The following CSMD1 variants were observed in gnomAD, a reference collection of about 807,000 sequenced individuals.
The protein encoded by CSMD1 is CUB and Sushi multiple domains 1.
Under a neutral mutation model 417.5 loss-of-function variants are expected in CSMD1, and 213 were observed. The ratio of observed to expected loss-of-function variants is 0.51; its 90% CI spans 0.46 to 0.57. The LOEUF (loss-of-function observed/expected upper bound fraction) is 0.57. Ranked by LOEUF, CSMD1 falls within the 20% of genes least tolerant of loss-of-function variation. The pLI, the probability that CSMD1 is intolerant of heterozygous loss-of-function variation, is 0.00. For synonymous variants in CSMD1, 2,862 were observed against 1,736.8 expected, an observed-to-expected ratio of 1.65 and a Z score of -16.11; for missense variants, 6,923 against 4,529.7, an observed-to-expected ratio of 1.53 and a Z score of -15.17.
At chr8:4,865,290 C>T (rs553204391) in intron 1 of CSMD1, among the ~76,000 whole-genome samples, 2 of 151,770 alleles carry the variant, frequency 1.3e-5, no homozygotes, top group Non-Finnish European at 2.9e-5. Flanking sequence ...CTACATACTG[C>T]TTCTGTTTTG....
rs554596070 is a variant in CSMD1 at position 4,876,780 on chromosome 8, T to C, written c.85+117552A>G. On this transcript the variant is annotated intron_variant, in intron 1 of 69. Coordinates refer to ENST00000635120, the MANE Select transcript of CSMD1 (RefSeq NM_033225.6). ...ACATCTGGAGTCATTTCTCAGTTTT[T>C]TGGGGGTGTTTTATTTTTCCTTCTC... Among the ~76,000 whole-genome samples the C allele has an allele frequency of 6.2e-4, 94 of 152,134 alleles. 1 individual carries two copies. Among genetic ancestry groups the C allele is most frequent in the African/African-American group, 2.2e-3 (90 of 41,452 alleles).
At chr8:4,198,009 A>G (rs756655596) in intron 3 of CSMD1, among the ~76,000 whole-genome samples, 22 of 152,232 alleles carry the variant, frequency 1.4e-4, no homozygotes, top group Non-Finnish European at 2.8e-4. Flanking sequence ...ATCTTTCCTT[A>G]AGAGTTGGGG....
chr8:4,171,119 C>A (rs1160858403), intron 3 of CSMD1, among the ~76,000 whole-genome samples: 1 of 151,862 alleles, frequency 6.6e-6, no homozygotes. Flanking sequence ...CTTCAGCACA[C>A]AAAGGTGAGG....
chr8:4,365,866 TA>T (rs1375571819), intron 3 of CSMD1, among the ~76,000 whole-genome samples: 1 of 152,246 alleles, frequency 6.6e-6, no homozygotes, highest in African/African-American at 2.4e-5. Flanking sequence ...AAAATCTACT[TA>T]AAGAGTAATT....
intron 5 of CSMD1, among the ~76,000 whole-genome samples, chr8:3,798,187 A>G (rs1172853031): frequency 1.3e-5 from 2 of 151,862 alleles, no homozygotes; most frequent in African/African-American, 4.8e-5. Context: ...AATTTTTAAC[A>G]TTTTCCGCTA....
At chr8:4,418,660 A>C (rs1030862332) in intron 3 of CSMD1, among the ~76,000 whole-genome samples, 4 of 152,232 alleles carry the variant, frequency 2.6e-5, no homozygotes, top group African/African-American at 9.6e-5. Context: ...TTCTGCAAAA[A>C]ATGAAATGAT....
intron 3 of CSMD1, among the ~76,000 whole-genome samples, chr8:4,064,098 T>G (rs190392503): frequency 5.0e-4 from 76 of 152,240 alleles, no homozygotes; most frequent in Admixed American, 2.0e-3. Context: ...GCGAATCTAC[T>G]CTCCTGCAGC....
At chr8:3,634,432 C>A (rs989780934) in intron 7 of CSMD1, among the ~76,000 whole-genome samples, 1 of 152,148 alleles carries the variant, frequency 6.6e-6, no homozygotes, top group Non-Finnish European at 1.5e-5. Context: ...TGGGGTCACA[C>A]GTCATTCCTG....
chr8:4,028,728 T>C (rs1180458064), intron 4 of CSMD1, among the ~76,000 whole-genome samples: 1 of 152,212 alleles, frequency 6.6e-6, no homozygotes, highest in Non-Finnish European at 1.5e-5. Context: ...TAAATGAGTG[T>C]TAATAATTAT....
At chr8:3,476,178 A>T (rs997405934) in intron 11 of CSMD1, among the ~76,000 whole-genome samples, 2 of 152,218 alleles carry the variant, frequency 1.3e-5, no homozygotes, top group African/African-American at 2.4e-5. Flanking sequence ...CCTTGGCTCA[A>T]CCAAAATACA....
intron 23 of CSMD1, among the ~76,000 whole-genome samples, chr8:3,320,505 T>C (rs536625684): frequency 3.1e-4 from 47 of 152,230 alleles, no homozygotes; most frequent in Non-Finnish European, 5.6e-4. Context: ...GCTGCTGTTA[T>C]GACTCATAGG....
intron 1 of CSMD1, among the ~76,000 whole-genome samples, chr8:4,944,070 TAGAC>T (rs1206744809): frequency 6.6e-6 from 1 of 152,144 alleles, no homozygotes; most frequent in African/African-American, 2.4e-5. Context: ...AGATGTTTGA[TAGAC>T]AGGAGGAAGT....
rs184641931 is a variant in CSMD1 at position 4,071,558 on chromosome 8, G to A, written c.416-39459C>T. ...AACAGCTGCATTAAAATCCTTCTCC[G>A]CTAATTCCAACATCTGTGTCCTATC... On this transcript the variant is annotated intron_variant, in intron 3 of 69. Transcript: ENST00000635120. Among the ~76,000 whole-genome samples the A allele has an allele frequency of 2.6e-3, 395 of 151,750 alleles. 3 individuals carry two copies. The highest frequency in any genetic ancestry group is 8.3e-3 in the African/African-American group (344 of 41,330).
rs139787893 is a variant in CSMD1, at chr8:3,866,497, G to T, written c.819-112455C>A. On this transcript the variant is annotated intron_variant, in intron 5 of 69. Transcript: ENST00000635120. Reference sequence around the variant, plus strand: ...ATATTTTACACATTTCCTGTTGGGTGCCTGACGTGGTAAAGCATCATGATC... The same window carrying T: ...ATATTTTACACATTTCCTGTTGGGTTCCTGACGTGGTAAAGCATCATGATC... Among the ~76,000 whole-genome samples the T allele has an allele frequency of 1.8e-3, 281 of 152,322 alleles. 1 individual carries two copies. The highest frequency in any genetic ancestry group is 1.7e-3 in the Non-Finnish European group (114 of 68,026).
At chr8:3,060,094 T>G (rs941457634) in intron 49 of CSMD1, among the ~76,000 whole-genome samples, 1 of 152,248 alleles carries the variant, frequency 6.6e-6, no homozygotes, top group East Asian at 1.9e-4. Context: ...CTTATTCAAA[T>G]TGTGAGATTA....
At chr8:2,997,367 A>G (rs1405246050) in intron 54 of CSMD1, among the ~76,000 whole-genome samples, 1 of 152,238 alleles carries the variant, frequency 6.6e-6, no homozygotes, top group African/African-American at 2.4e-5. Context: ...TGGGAGCCCT[A>G]GGATAAGAGA....
Position 4,739,222 on chromosome 8 carries a change from T to C in CSMD1, c.86-101664A>G, listed in dbSNP as rs1174345927. ...AATTCTATCTATTAAAGCAATCCTA[T>C]GTTGTTGAGCCTGCCAAGTTCAGCT... On this transcript the variant is annotated intron_variant, in intron 1 of 69. Coordinates refer to ENST00000635120, the MANE Select transcript of CSMD1 (RefSeq NM_033225.6). 2.0e-5 allele frequency among the ~76,000 whole-genome samples: 3 copies of C among 152,202 alleles called. No individual in the cohort carries two copies. The East Asian group carries it at 5.8e-4, about 29-fold the overall frequency.
At chr8:4,554,897 T>G (rs891256449) in intron 2 of CSMD1, among the ~76,000 whole-genome samples, 1 of 152,080 alleles carries the variant, frequency 6.6e-6, no homozygotes, top group African/African-American at 2.4e-5. Flanking sequence ...GATGATGGTG[T>G]TCATGGATGT....
intron 1 of CSMD1, among the ~76,000 whole-genome samples, chr8:4,777,362 G>C (rs572833757): frequency 6.6e-6 from 1 of 152,158 alleles, no homozygotes; most frequent in Non-Finnish European, 1.5e-5. Context: ...GAGATGTCTG[G>C]TTTTGAGCTT....
Sources: gnomAD v4.1 joint callset for allele counts (sites outside exome capture counted in the v4.1 genomes callset) on GRCh38, gnomAD v4.1.1 for gene constraint, MANE v1.5 for transcripts, NCBI Gene and HGNC (gene_info 2026-07-23, HGNC 2026-07-21) for gene names.